DNAJC12: variants seen among roughly 807,000 people sequenced by gnomAD.
DNAJC12 encodes DnaJ heat shock protein family (Hsp40) member C12, also known as dnaJ homolog subfamily C member 12.
In DNAJC12, 25 loss-of-function variants were observed where a neutral mutation model predicts 28.5. The observed-to-expected ratio is 0.88, with a 90% CI of 0.64 to 1.22. DNAJC12 has a LOEUF of 1.22. Among genes scored for constraint, DNAJC12 ranks in the 50% most tolerant of loss-of-function variants. DNAJC12 has a pLI of 0.00. For missense variants in DNAJC12, 222 were observed against 231.7 expected (o/e 0.96, Z 0.27); for synonymous variants, 77 against 80.6 (o/e 0.95, Z 0.24).
chr10:67,801,063 ATG>A (rs1328540165), intron 4 of DNAJC12, among the ~76,000 whole-genome samples: 5 of 152,210 alleles, frequency 3.3e-5, no homozygotes, highest in African/African-American at 1.2e-4. Context: ...GAAAGTAAAA[ATG>A]AGATTGTCTC....
chr10:67,820,060 G>A lies in DNAJC12; in HGVS notation c.157+3254C>T, dbSNP rs567026436. Among the ~76,000 whole-genome samples the A allele has an allele frequency of 2.0e-5, 3 of 152,308 alleles. No homozygotes were observed. In the South Asian group the frequency reaches 6.2e-4, roughly 32 times the overall value. ...GACTTCCCAACTGATGGTCAGCTGA[G>A]ACCTGACACAGAAGCACAAACTGGC... On this transcript the variant is annotated intron_variant, in intron 2 of 4. Transcript: ENST00000225171.
intron 4 of DNAJC12, 22 bp downstream of exon 4, chr10:67,805,561 G>A (rs1841791327): frequency 1.3e-6 from 2 of 1,581,264 alleles, no homozygotes; most frequent in Non-Finnish European, 1.7e-6. Context: ...TCTCCATTCT[G>A]CAGTTATATA....
intron 2 of DNAJC12, among the ~76,000 whole-genome samples, chr10:67,813,560 C>G (rs1193561582): frequency 6.8e-6 from 1 of 146,700 alleles, no homozygotes; most frequent in African/African-American, 2.5e-5. Flanking sequence ...CCAGTCTGGC[C>G]AACATGGTGA....
intron 3 of DNAJC12, chr10:67,811,148 C>T: frequency 2.8e-6 from 1 of 352,986 alleles, no homozygotes; most frequent in East Asian, 1.4e-4. Context: ...GAAAAGAGAG[C>T]AAGCTGACAT....
intron 2 of DNAJC12, among the ~76,000 whole-genome samples, chr10:67,818,371 C>T (rs1340755430): frequency 1.3e-5 from 2 of 152,106 alleles, no homozygotes; most frequent in African/African-American, 4.8e-5. Context: ...CAAATGCATG[C>T]CTGCCTAGAG....
chr10:67,805,270 A>T lies in DNAJC12; in HGVS notation c.502+313T>A, dbSNP rs1003304150. Among the ~76,000 whole-genome samples the T allele has an allele frequency of 1.2e-4, 19 of 152,224 alleles. No homozygotes were observed. The South Asian group carries it at 1.4e-3, about 12-fold the overall frequency. ...TAGTGAGAATAAGTTAATATATATA[A>T]AATTAATATTAAATGAGATAATAAA... On this transcript the variant is annotated intron_variant, in intron 4 of 4. Coordinates refer to ENST00000225171, the MANE Select transcript of DNAJC12 (RefSeq NM_021800.3).
At chr10:67,830,555 C>A (rs981091566) in intron 1 of DNAJC12, among the ~76,000 whole-genome samples, 1 of 151,252 alleles carries the variant, frequency 6.6e-6, no homozygotes, top group African/African-American at 2.4e-5. Context: ...TTGCAGTGAG[C>A]TGAGATCCCG....
In DNAJC12 at chr10:67,836,799, C is replaced by T. The variant is rs1482153120; in HGVS notation, c.78+1135G>A. ...TCTATTCTTAAAACAAAACTAAGCA[C>T]ATTTTATTAATGAACTACTGCCTTT... On this transcript the variant is annotated intron_variant, in intron 1 of 4. Transcript: ENST00000225171. Among the ~76,000 whole-genome samples the T allele has an allele frequency of 2.0e-5, 3 of 151,826 alleles. No individual in the cohort carries two copies. In the East Asian group the frequency reaches 5.8e-4, roughly 29 times the overall value.
At chr10:67,800,708 G>A (rs1012637031) in intron 4 of DNAJC12, among the ~76,000 whole-genome samples, 1 of 152,168 alleles carries the variant, frequency 6.6e-6, no homozygotes, top group East Asian at 1.9e-4. Flanking sequence ...TGCTTTGGTG[G>A]GCCGAGGTGG....
intron 1 of DNAJC12, among the ~76,000 whole-genome samples, chr10:67,826,489 TTA>T (rs1247967688): frequency 6.9e-6 from 1 of 144,726 alleles, no homozygotes; most frequent in East Asian, 2.0e-4. Flanking sequence ...TATAAGATGC[TTA>T]TATATATGCA....
chr10:67,827,290 G>A (rs991850800), intron 1 of DNAJC12, among the ~76,000 whole-genome samples: 15 of 151,970 alleles, frequency 9.9e-5, no homozygotes, highest in African/African-American at 3.4e-4. Flanking sequence ...AGGAGGCTGA[G>A]GCAGGAGAAT....
At chr10:67,805,061 A>G (rs982267686) in intron 4 of DNAJC12, among the ~76,000 whole-genome samples, 2 of 152,144 alleles carry the variant, frequency 1.3e-5, no homozygotes, top group African/African-American at 2.4e-5. Flanking sequence ...ATTCAATTCA[A>G]TAAGGCATTA....
At chr10:67,811,312 G>GT (rs1322442445) in intron 3 of DNAJC12, 19 of 1,380,962 alleles carry the variant, frequency 1.4e-5, no homozygotes, top group Admixed American at 3.4e-5. Flanking sequence ...TGAAAGAAAT[G>GT]TAGTCACAGG....
chr10:67,797,821 A>G (rs564661060), intron 4 of DNAJC12, among the ~76,000 whole-genome samples: 2 of 152,136 alleles, frequency 1.3e-5, no homozygotes, highest in Admixed American at 6.5e-5. Flanking sequence ...CGGGCGGATC[A>G]CGAGGTCAGG....
At chr10:67,807,969 C>T (rs1841819718) in intron 3 of DNAJC12, among the ~76,000 whole-genome samples, 2 of 152,174 alleles carry the variant, frequency 1.3e-5, no homozygotes, top group African/African-American at 4.8e-5. Flanking sequence ...CTGTATCTAA[C>T]CTTAGATACA....
intron 2 of DNAJC12, among the ~76,000 whole-genome samples, chr10:67,816,841 C>T (rs1337759533): frequency 1.3e-5 from 2 of 152,134 alleles, no homozygotes; most frequent in Non-Finnish European, 2.9e-5. Context: ...GCCATCACAC[C>T]GGCCTTAAGT....
intron 3 of DNAJC12, among the ~76,000 whole-genome samples, chr10:67,809,813 T>C (rs1323147371): frequency 6.6e-6 from 1 of 152,084 alleles, no homozygotes; most frequent in Non-Finnish European, 1.5e-5. Context: ...TACAGAGTGG[T>C]ATAATATAAT....
At chr10:67,797,319 G>T in intron 4 of DNAJC12, 109 bp from the exon 5 acceptor site, 3 of 787,400 alleles carry the variant, frequency 3.8e-6, no homozygotes, top group Admixed American at 5.3e-5. Context: ...ACAATGTAAG[G>T]GTAAGACTTT....
At chr10:67,819,719 C>A (rs12570037) in intron 2 of DNAJC12, among the ~76,000 whole-genome samples, 2,768 of 31,906 alleles carry the variant, frequency 0.087, 523 homozygotes, top group African/African-American at 0.15. Context: ...AGGAAGGAAG[C>A]AAGGAAGGAA....
Sources: allele counts gnomAD v4.1 joint callset (sites outside exome capture counted in the v4.1 genomes callset), GRCh38; gene constraint gnomAD v4.1.1; transcripts MANE v1.5; gene names NCBI Gene and HGNC (gene_info 2026-07-23, HGNC 2026-07-21).